IL1RAPL2: variants seen among roughly 807,000 people sequenced by gnomAD.
IL1RAPL2 encodes interleukin 1 receptor accessory protein like 2.
IL1RAPL2 carries 3 observed loss-of-function variants against 44.1 expected under a neutral mutation model. That is an observed-to-expected ratio of 0.07 (90% CI 0.03 to 0.18). The LOEUF (loss-of-function observed/expected upper bound fraction) is 0.18. IL1RAPL2 is among the 10% of genes least tolerant of loss of function. The pLI is 1.00. For synonymous variants in IL1RAPL2, 181 were observed against 178.8 expected, an observed-to-expected ratio of 1.01 and a Z score of -0.10; for missense variants, 391 against 496.4, an observed-to-expected ratio of 0.79 and a Z score of 2.02.
chrX:105,577,242 T>C (rs1217937052), intron 6 of IL1RAPL2, among the ~76,000 whole-genome samples: 1 of 111,650 alleles, frequency 9.0e-6, no homozygotes, highest in African/African-American at 3.3e-5. Flanking sequence ...GGAAAATTAC[T>C]TCCAGAAATA....
chrX:104,739,098 A>T (rs1410232046), intron 2 of IL1RAPL2, among the ~76,000 whole-genome samples: 1 of 111,586 alleles, frequency 9.0e-6, no homozygotes, highest in Non-Finnish European at 1.9e-5. Flanking sequence ...GAGTCATTAT[A>T]TGAACCTCCA....
intron 1 of IL1RAPL2, among the ~76,000 whole-genome samples, chrX:104,594,399 C>T (rs894573122): frequency 8.1e-5 from 9 of 111,525 alleles, no homozygotes; most frequent in Non-Finnish European, 1.7e-4. Flanking sequence ...TTCTATATAA[C>T]TTTGTTTCCA....
At chrX:105,337,964 A>G (rs369746329) in intron 5 of IL1RAPL2, among the ~76,000 whole-genome samples, 4 of 112,115 alleles carry the variant, frequency 3.6e-5, no homozygotes, top group South Asian at 7.4e-4. Context: ...GTACATTTCC[A>G]AAAGTATCAA....
intron 1 of IL1RAPL2, among the ~76,000 whole-genome samples, chrX:104,595,249 G>A (rs1204883471): frequency 3.6e-5 from 4 of 111,297 alleles, no homozygotes; most frequent in African/African-American, 1.3e-4. Flanking sequence ...TAATGTTGAG[G>A]TGGGAAGGGG....
intron 2 of IL1RAPL2, among the ~76,000 whole-genome samples, chrX:105,078,071 G>C (rs756718887): frequency 8.9e-6 from 1 of 112,068 alleles, no homozygotes; most frequent in East Asian, 2.8e-4. Flanking sequence ...TTCCGTTGCT[G>C]GTGAGGAGCT....
At chrX:104,579,819 T>C (rs1021048553) in intron 1 of IL1RAPL2, among the ~76,000 whole-genome samples, 1 of 111,481 alleles carries the variant, frequency 9.0e-6, no homozygotes, top group Non-Finnish European at 1.9e-5. Context: ...CAGAACAATC[T>C]ACTGGGGAGT....
chrX:105,663,553 T>C (rs915971588), intron 6 of IL1RAPL2, among the ~76,000 whole-genome samples: 1 of 112,115 alleles, frequency 8.9e-6, no homozygotes, highest in Non-Finnish European at 1.9e-5. Flanking sequence ...TGCTGTGTGC[T>C]GCCAATCATC....
chrX:105,031,706 T>C (rs1223427555), intron 2 of IL1RAPL2, among the ~76,000 whole-genome samples: 1 of 111,944 alleles, frequency 8.9e-6, no homozygotes, highest in African/African-American at 3.3e-5. Context: ...TAAAATTCTC[T>C]TTTTTGGTTG....
chrX:105,021,561 A>T (rs759529398), intron 2 of IL1RAPL2, among the ~76,000 whole-genome samples: 1 of 111,360 alleles, frequency 9.0e-6, no homozygotes, highest in African/African-American at 3.3e-5. Flanking sequence ...CACTGACAAC[A>T]TCTCTGCCCT....
At chrX:104,743,185 C>T (rs2385674) in intron 2 of IL1RAPL2, among the ~76,000 whole-genome samples, 37,266 of 109,585 alleles carry the variant, frequency 0.34, 5,501 homozygotes, top group East Asian at 0.47. Flanking sequence ...CTCTTTACTC[C>T]GAGTGCTTCT....
intron 5 of IL1RAPL2, among the ~76,000 whole-genome samples, chrX:105,437,248 T>C (rs761558565): frequency 9.1e-6 from 1 of 110,142 alleles, no homozygotes; most frequent in Admixed American, 9.8e-5. Context: ...TGGGGAAGTT[T>C]TGAGCACTAT....
chrX:105,442,299 C>T (rs1190576174), intron 5 of IL1RAPL2, among the ~76,000 whole-genome samples: 3 of 110,150 alleles, frequency 2.7e-5, no homozygotes, highest in African/African-American at 3.3e-5. Flanking sequence ...CTCCTGAACT[C>T]GTGATCCACC....
At position 105,348,527 on chromosome X, in the gene IL1RAPL2, T is replaced by C. The variant is rs138766961; in HGVS notation, c.697+80986T>C. 4.6e-3 allele frequency among the ~76,000 whole-genome samples: 512 copies of C among 111,812 alleles called. 5 individuals carry two copies. Among genetic ancestry groups the C allele is most frequent in the African/African-American group, 0.016 (485 of 30,770 alleles). On this transcript the variant is annotated intron_variant, in intron 5 of 10. Coordinates refer to ENST00000372582, the MANE Select transcript of IL1RAPL2 (RefSeq NM_017416.2). ...TAAACTATTATTATTACTATTCTCA[T>C]AAAGACTCCCATGTGTCTTTACTAG...
intron 6 of IL1RAPL2, among the ~76,000 whole-genome samples, chrX:105,704,091 G>C (rs2038142457): frequency 2.7e-5 from 3 of 111,472 alleles, no homozygotes; most frequent in Non-Finnish European, 5.7e-5. Flanking sequence ...CTGCCAAAGA[G>C]CTTACAGTAT....
At chrX:105,089,979 G>A (rs2032524101) in intron 2 of IL1RAPL2, among the ~76,000 whole-genome samples, 1 of 111,414 alleles carries the variant, frequency 9.0e-6, no homozygotes, top group Admixed American at 9.6e-5. Context: ...GTTCATTATC[G>A]GACTTTGCTG....
chrX:105,472,723 G>A (rs950193779), intron 5 of IL1RAPL2, among the ~76,000 whole-genome samples: 3 of 111,393 alleles, frequency 2.7e-5, no homozygotes, highest in Admixed American at 9.6e-5. Context: ...TCGGTGTTAC[G>A]AAGACAGGGA....
intron 2 of IL1RAPL2, among the ~76,000 whole-genome samples, chrX:104,730,999 C>T (rs1273641284): frequency 9.0e-6 from 1 of 110,541 alleles, no homozygotes; most frequent in African/African-American, 3.3e-5. Flanking sequence ...TTTCATGTGT[C>T]TTTTGGCTGC....
chrX:105,035,564 A>C (rs2031613836), intron 2 of IL1RAPL2, among the ~76,000 whole-genome samples: 1 of 112,489 alleles, frequency 8.9e-6, no homozygotes, highest in Admixed American at 9.4e-5. Context: ...GGAATAAAAA[A>C]AATTAACATG....
At chrX:105,252,464 G>A (rs2147647805) in intron 4 of IL1RAPL2, among the ~76,000 whole-genome samples, 1 of 111,554 alleles carries the variant, frequency 9.0e-6, no homozygotes, top group African/African-American at 3.2e-5. Flanking sequence ...TAACAGGCAT[G>A]CCTTTTTAAA....
Sources: allele counts gnomAD v4.1 joint callset (sites outside exome capture counted in the v4.1 genomes callset), GRCh38; gene constraint gnomAD v4.1.1; transcripts MANE v1.5; gene names NCBI Gene and HGNC (gene_info 2026-07-23, HGNC 2026-07-21).